RAB38: variants seen among roughly 807,000 people sequenced by gnomAD.
The protein encoded by RAB38 is RAB38, member RAS oncogene family, also known as ras-related protein Rab-38.
RAB38 carries 15 observed loss-of-function variants against 18.4 expected under a neutral mutation model. The observed-to-expected ratio is 0.82, with a 90% CI of 0.55 to 1.26. The LOEUF is 1.26. Ranked by LOEUF, RAB38 falls within the 50% of genes most tolerant of loss-of-function variation. RAB38 has a pLI of 0.00. For synonymous variants in RAB38, 101 were observed against 104.4 expected (o/e 0.97, Z 0.20); for missense variants, 294 against 267.4 (o/e 1.10, Z -0.69).
the RAB38 span, among the ~76,000 whole-genome samples, chr11:87,908,160 G>C: frequency 6.6e-6 from 1 of 151,920 alleles, no homozygotes; most frequent in Non-Finnish European, 1.5e-5. Flanking sequence ...TAGCTCATAA[G>C]AGAGAATGAA....
the RAB38 span, chr11:88,098,095 A>C: frequency 6.6e-6 from 1 of 151,712 alleles, no homozygotes; most frequent in Admixed American, 6.6e-5. Context: ...GTAGAGATGC[A>C]GTAATACATA....
the RAB38 span, among the ~76,000 whole-genome samples, chr11:87,909,024 G>A: frequency 1.0e-3 from 159 of 152,032 alleles, 1 homozygote; most frequent in South Asian, 7.1e-3. Flanking sequence ...GTGTATTCCA[G>A]TTCCTCAGGG....
the RAB38 span, among the ~76,000 whole-genome samples, chr11:87,937,075 T>G: frequency 6.6e-6 from 1 of 151,874 alleles, no homozygotes; most frequent in South Asian, 2.1e-4. Flanking sequence ...ATATTCAGTC[T>G]TTAATCATGA....
chr11:87,930,392 G>A, the RAB38 span, among the ~76,000 whole-genome samples: 192 of 152,150 alleles, frequency 1.3e-3, 1 homozygote, highest in Non-Finnish European at 2.2e-3. Context: ...CATATCCTTC[G>A]CCCACTGGTT....
At chr11:87,814,836 C>A in the RAB38 span, among the ~76,000 whole-genome samples, 1 of 151,938 alleles carries the variant, frequency 6.6e-6, no homozygotes, top group Non-Finnish European at 1.5e-5. Flanking sequence ...GGGGTTCACG[C>A]CATTCTCCTG....
the RAB38 span, among the ~76,000 whole-genome samples, chr11:87,932,924 A>G: frequency 1.3e-5 from 2 of 152,114 alleles, no homozygotes; most frequent in East Asian, 3.9e-4. Context: ...TTCTTAATTT[A>G]GAGTCAAGTC....
the RAB38 span, among the ~76,000 whole-genome samples, chr11:88,039,269 G>C: frequency 2.2e-4 from 33 of 152,028 alleles, 1 homozygote; most frequent in Non-Finnish European, 4.4e-4. Context: ...AGGAAGTTTT[G>C]ATCATGTGAG....
chr11:87,897,446 C>G, the RAB38 span, among the ~76,000 whole-genome samples: 1 of 151,388 alleles, frequency 6.6e-6, no homozygotes, highest in African/African-American at 2.4e-5. Context: ...ACCCTATTTC[C>G]CAGATCTTAA....
chr11:88,163,731 C>T (rs1028526426), intron 1 of RAB38, among the ~76,000 whole-genome samples: 6 of 152,020 alleles, frequency 3.9e-5, no homozygotes, highest in East Asian at 3.8e-4. Flanking sequence ...AATACATTTT[C>T]GAAAGTATTC....
At chr11:88,081,156 G>A in the RAB38 span, among the ~76,000 whole-genome samples, 1 of 151,866 alleles carries the variant, frequency 6.6e-6, no homozygotes, top group East Asian at 1.9e-4. Context: ...GATGACAAAT[G>A]TGCAAAACAA....
At chr11:88,164,344 T>C (rs1270015118) in intron 1 of RAB38, among the ~76,000 whole-genome samples, 1 of 150,038 alleles carries the variant, frequency 6.7e-6, no homozygotes, top group African/African-American at 2.5e-5. Context: ...TCAAGATCCA[T>C]TAGACACCCC....
intron 2 of RAB38, among the ~76,000 whole-genome samples, chr11:88,147,317 A>G (rs1272441983): frequency 6.6e-6 from 1 of 152,198 alleles, no homozygotes; most frequent in African/African-American, 2.4e-5. Context: ...GAATGAATGA[A>G]TAACAGAAGA....
the RAB38 span, among the ~76,000 whole-genome samples, chr11:87,840,350 T>A: frequency 1.3e-5 from 2 of 152,182 alleles, no homozygotes; most frequent in Non-Finnish European, 2.9e-5. Context: ...AGTAAGCAAA[T>A]AGTATAAAAC....
At chr11:87,888,812 A>G in the RAB38 span, among the ~76,000 whole-genome samples, 1 of 151,924 alleles carries the variant, frequency 6.6e-6, no homozygotes, top group Non-Finnish European at 1.5e-5. Flanking sequence ...CACGTAGCCC[A>G]ATGGATTGGT....
the RAB38 span, among the ~76,000 whole-genome samples, chr11:87,811,251 T>G: frequency 6.6e-6 from 1 of 152,188 alleles, no homozygotes; most frequent in Non-Finnish European, 1.5e-5. Flanking sequence ...TTAGAGCACA[T>G]GCCCAGGAAT....
intron 2 of RAB38, among the ~76,000 whole-genome samples, chr11:88,137,397 C>T (rs1056796661): frequency 1.3e-5 from 2 of 152,134 alleles, no homozygotes; most frequent in African/African-American, 4.8e-5. Context: ...TCAACTATCA[C>T]ATTCTTAGGA....
chr11:87,966,745 G>A, the RAB38 span, among the ~76,000 whole-genome samples: 9 of 152,268 alleles, frequency 5.9e-5, no homozygotes, highest in African/African-American at 1.9e-4. Flanking sequence ...TCAAGTCCCT[G>A]CTGTAATTCT....
At chr11:88,116,103 A>G (rs531277556) in intron 2 of RAB38, among the ~76,000 whole-genome samples, 2 of 152,278 alleles carry the variant, frequency 1.3e-5, no homozygotes, top group East Asian at 3.9e-4. Flanking sequence ...TGTCACGTCT[A>G]AGGGTCACAC....
At chr11:87,831,336 T>C in the RAB38 span, among the ~76,000 whole-genome samples, 2 of 152,172 alleles carry the variant, frequency 1.3e-5, no homozygotes, top group African/African-American at 4.8e-5. Context: ...TAGTTTATGC[T>C]TAGCCCCATG....
Sources: allele counts gnomAD v4.1 joint callset (sites outside exome capture counted in the v4.1 genomes callset), GRCh38; gene constraint gnomAD v4.1.1; transcripts MANE v1.5; gene names NCBI Gene and HGNC (gene_info 2026-07-23, HGNC 2026-07-21).